Variants in NELL2 observed in about 807,000 individuals in gnomAD.
NELL2 encodes the protein neural EGFL like 2.
A neutral mutation model predicts 109.6 loss-of-function variants in NELL2; 41 were observed. That is an observed-to-expected ratio of 0.37 (90% CI 0.29 to 0.49). The LOEUF (loss-of-function observed/expected upper bound fraction) is 0.49, where lower values mean the gene tolerates loss of function less well. Ranked by LOEUF, NELL2 falls within the 20% of genes least tolerant of loss-of-function variation. The pLI is 0.98. For missense variants in NELL2, 900 were observed against 1,008.3 expected, an observed-to-expected ratio of 0.89 and a Z score of 1.45; for synonymous variants, 355 against 344.7, an observed-to-expected ratio of 1.03 and a Z score of -0.33.
intron 2 of NELL2, among the ~76,000 whole-genome samples, chr12:44,861,019 CT>C (rs755964733): frequency 1.3e-5 from 2 of 152,110 alleles, no homozygotes; most frequent in Admixed American, 6.6e-5. Flanking sequence ...CCTCATCCCC[CT>C]GATAGAAACA....
intron 12 of NELL2, among the ~76,000 whole-genome samples, chr12:44,694,500 T>C (rs1445457951): frequency 7.0e-6 from 1 of 143,786 alleles, no homozygotes. Context: ...CATATGTATA[T>C]AATATACAAC....
intron 15 of NELL2, among the ~76,000 whole-genome samples, chr12:44,535,426 T>C (rs1487110528): frequency 6.6e-6 from 1 of 151,996 alleles, no homozygotes; most frequent in African/African-American, 2.4e-5. Flanking sequence ...ATTGAATGCA[T>C]TTTATGCACC....
chr12:44,746,585 G>C (rs1350623803), intron 9 of NELL2, among the ~76,000 whole-genome samples: 69 of 151,982 alleles, frequency 4.5e-4, no homozygotes, highest in African/African-American at 3.9e-4. Flanking sequence ...CTACAATGAA[G>C]TCAAACAAAT....
chr12:44,819,590 A>G (rs1738414111), intron 2 of NELL2, among the ~76,000 whole-genome samples: 1 of 152,112 alleles, frequency 6.6e-6, no homozygotes, highest in South Asian at 2.1e-4. Flanking sequence ...CAGCAGAACC[A>G]TCCTCCACCC....
In NELL2 at chr12:44,631,789, A is replaced by C. The variant is rs552330392; in HGVS notation, c.1445-20819T>G. Among the ~76,000 whole-genome samples the C allele has an allele frequency of 1.8e-4, 27 of 152,278 alleles. No homozygotes were observed. The South Asian group carries it at 4.8e-3, about 27-fold the overall frequency. On this transcript the variant is annotated intron_variant, in intron 13 of 19. Transcript: ENST00000429094. ...GAATATCAATGGTACACAGTCTTCT[A>C]AACAGTTGAAGATGAGAGACCATTT... is the stretch of plus-strand genomic sequence containing the variant.
At chr12:44,662,926 T>C (rs1394777631) in intron 13 of NELL2, among the ~76,000 whole-genome samples, 3 of 152,152 alleles carry the variant, frequency 2.0e-5, no homozygotes, top group Non-Finnish European at 4.4e-5. Context: ...AGGGACAGGC[T>C]CAGCAGTGAT....
chr12:44,734,002 A>G (rs551562875), intron 9 of NELL2, among the ~76,000 whole-genome samples: 66 of 151,994 alleles, frequency 4.3e-4, no homozygotes, highest in Non-Finnish European at 8.1e-4. Context: ...ATAATGGTCT[A>G]AATATGTTTA....
chr12:44,735,647 A>G (rs570186277), intron 9 of NELL2, among the ~76,000 whole-genome samples: 1 of 152,344 alleles, frequency 6.6e-6, no homozygotes, highest in East Asian at 1.9e-4. Flanking sequence ...TTCAAGGAAG[A>G]AGAAAAGACC....
chr12:44,917,102 C>A (rs528286793), upstream of NELL2, among the ~76,000 whole-genome samples: 34 of 152,178 alleles, frequency 2.2e-4, no homozygotes, highest in African/African-American at 7.5e-4. Context: ...TGAGAATGTG[C>A]TTTTAAAACT....
intron 15 of NELL2, among the ~76,000 whole-genome samples, chr12:44,570,402 C>T (rs1307552910): frequency 1.3e-5 from 2 of 152,120 alleles, no homozygotes; most frequent in African/African-American, 4.8e-5. Flanking sequence ...GACCCACAGA[C>T]AAATGGGACT....
At chr12:44,606,177 T>C (rs1216485306) in intron 15 of NELL2, among the ~76,000 whole-genome samples, 3 of 152,132 alleles carry the variant, frequency 2.0e-5, no homozygotes, top group African/African-American at 4.8e-5. Flanking sequence ...GTAAGCCCTT[T>C]TGTGAGCATC....
At chr12:44,693,514 C>A (rs2136400086) in intron 12 of NELL2, among the ~76,000 whole-genome samples, 1 of 152,244 alleles carries the variant, frequency 6.6e-6, no homozygotes, top group East Asian at 1.9e-4. Context: ...GAAACCACGC[C>A]TAAGAAGAAA....
intron 3 of NELL2, among the ~76,000 whole-genome samples, chr12:44,814,734 C>T (rs757162727): frequency 5.3e-5 from 8 of 152,262 alleles, no homozygotes; most frequent in Middle Eastern, 3.4e-3. Flanking sequence ...CAAGAGCAAG[C>T]GAGATAGTAT....
intron 15 of NELL2, among the ~76,000 whole-genome samples, chr12:44,590,078 T>G (rs1944688314): frequency 6.6e-6 from 1 of 152,220 alleles, no homozygotes; most frequent in Admixed American, 6.5e-5. Context: ...TGATTTATTA[T>G]TTTTTGCATA....
At chr12:44,856,234 T>C (rs1944679998) in intron 2 of NELL2, among the ~76,000 whole-genome samples, 1 of 152,216 alleles carries the variant, frequency 6.6e-6, no homozygotes, top group Admixed American at 6.5e-5. Flanking sequence ...AAAACATTGG[T>C]ACAACAAGGC....
In NELL2 at chr12:44,623,901, C is replaced by G. The variant is rs536601004; in HGVS notation, c.1445-12931G>C. Among the ~76,000 whole-genome samples the G allele has an allele frequency of 1.3e-3, 198 of 152,162 alleles. 2 individuals carry two copies. Among genetic ancestry groups the G allele is most frequent in the African/African-American group, 4.6e-3 (192 of 41,514 alleles). On this transcript the variant is annotated intron_variant, in intron 13 of 19. Transcript: ENST00000429094. Reference sequence around the variant, plus strand: ...TAACTCAAGAACAGAAAACCAAACACTGCATGTTCTCACTCATGAGTGAGA... The same window carrying G: ...TAACTCAAGAACAGAAAACCAAACAGTGCATGTTCTCACTCATGAGTGAGA...
At chr12:44,765,859 T>C (rs1339700677) in intron 9 of NELL2, among the ~76,000 whole-genome samples, 2 of 152,212 alleles carry the variant, frequency 1.3e-5, no homozygotes, top group Admixed American at 6.5e-5. Context: ...ATGCAGTGGC[T>C]CACGCCTGTA....
rs114007805 is a variant in NELL2 at position 44,795,354 on chromosome 12, T to C, written c.336-15332A>G. Among the ~76,000 whole-genome samples the C allele has an allele frequency of 4.5e-3, 687 of 152,250 alleles. 6 individuals are homozygous for C. The highest frequency in any genetic ancestry group is 0.015 in the African/African-American group (634 of 41,550). The stretch of plus-strand genomic sequence containing the variant: ...GTAGTTACATGCACAGGCTTTGGAA[T>C]TGAAAATACAGCTCAGCCTCTCACT... On this transcript the variant is annotated intron_variant, in intron 3 of 19. Coordinates refer to ENST00000429094, the MANE Select transcript of NELL2 (RefSeq NM_001145108.2).
In NELL2 at chr12:44,912,086, T is replaced by C. The variant is rs185733203; in HGVS notation, c.38+1713A>G. ...TCTATGTGTTGGGGGAGGGTAGTAC[T>C]GAGAATGGAAAAGCCCACACAGAGA... On this transcript the variant is annotated intron_variant, in intron 1 of 20. Transcript: ENST00000333837. Among the ~76,000 whole-genome samples the C allele has an allele frequency of 2.2e-3, 329 of 152,000 alleles. 2 individuals carry two copies. The highest frequency in any genetic ancestry group is 7.4e-3 in the African/African-American group (308 of 41,504).
Sources: allele counts gnomAD v4.1 joint callset (sites outside exome capture counted in the v4.1 genomes callset), GRCh38; gene constraint gnomAD v4.1.1; transcripts MANE v1.5; gene names NCBI Gene and HGNC (gene_info 2026-07-23, HGNC 2026-07-21).